Variants in TFF3 observed in about 807,000 individuals in gnomAD.
TFF3 encodes the protein trefoil factor 3, also known as polypeptide P1.B.
Under a neutral mutation model 9.7 loss-of-function variants are expected in TFF3, and 6 were observed. The ratio of observed to expected loss-of-function variants is 0.62; its 90% CI spans 0.34 to 1.22. The LOEUF is 1.22. TFF3 is among the 50% of genes most tolerant of loss of function. The probability of loss-of-function intolerance (pLI) is 0.04; values close to 1 mark genes in which losing one functional copy is unlikely to be tolerated. For missense variants in TFF3, 93 were observed against 98.6 expected, an observed-to-expected ratio of 0.94 and a Z score of 0.24; for synonymous variants, 48 against 41.4, an observed-to-expected ratio of 1.16 and a Z score of -0.61.
intron 2 of TFF3, 122 bp from the exon 3 acceptor site, chr21:42,312,391 G>C: frequency 2.5e-6 from 3 of 1,196,052 alleles, no homozygotes; most frequent in Non-Finnish European, 3.5e-6. Flanking sequence ...AGTCACCGGG[G>C]AGTGTTGAGT....
At position 42,312,121 on chromosome 21, in the gene TFF3, A is replaced by G; in HGVS notation, c.*135T>C. ...TTCGTTAAGACATCAGGCTCCAGAT[A>G]TGAACTTTCAGCAGAAGCGCTTGCC... is the stretch of plus-strand genomic sequence containing the variant. On this transcript the variant is annotated 3_prime_UTR_variant, in exon 3 of 3. Coordinates refer to ENST00000518498, the MANE Select transcript of TFF3 (RefSeq NM_003226.4). The G allele has an allele frequency of 1.7e-6, 2 of 1,195,398 alleles. No individual in the cohort carries two copies. Among genetic ancestry groups the G allele is most frequent in the East Asian group, 2.3e-5 (1 of 43,070 alleles). The allele number at this position is 1,195,398 out of a possible 1,614,324, so 74.0% of individuals were successfully genotyped here.
At position 42,313,336 on chromosome 21, in the gene TFF3, GC is replaced by G; in HGVS notation, c.229+148del. 1 of 903,806 alleles carries G rather than the reference GC, an allele frequency of 1.1e-6. No individual in the cohort carries two copies. Among genetic ancestry groups the G allele is most frequent in the Non-Finnish European group, 1.6e-6 (1 of 624,936 alleles). The allele number at this position is 903,806 out of a possible 1,614,324, so 56.0% of individuals were successfully genotyped here. A position where few individuals can be genotyped will look rare whatever the true frequency, so the allele number is the denominator to read the frequency against. On this transcript the variant is annotated intron_variant, in intron 2 of 2. Coordinates refer to ENST00000518498, the MANE Select transcript of TFF3 (RefSeq NM_003226.4). The surrounding 1 kb of genome is among the most constrained non-coding windows in gnomAD (Gnocchi z 4.0). ...TGGCCATGGCTGCCCTAAGTGTGAA[GC>G]CTCTGCTCTGAGGCCTTGGAACAGG...
rs778674934 is a variant in TFF3 at position 42,313,624 on chromosome 21, G to A, written c.90C>T (p.Asn30=). The A allele has an allele frequency of 3.0e-5, 49 of 1,609,272 alleles. No individual in the cohort carries two copies. The highest frequency in any genetic ancestry group is 4.1e-5 in the Non-Finnish European group (48 of 1,178,720). The change falls in exon 2 of 3, where the codon AAC becomes AAT. Residue 30 remains asparagine, a synonymous_variant. Coordinates refer to ENST00000518498, the MANE Select transcript of TFF3 (RefSeq NM_003226.4). This position sits in a 1 kb window ranked among gnomAD's most constrained non-coding sequence, Gnocchi z 4.0. ...SAEEYVGLSA[N]QCAVPAKDRV... is the part of the protein sequence containing the mutation. ...TGTCCTTGGCTGGCACGGCACACTG[G>A]TTTGCAGCTGTCCCAGACAAAGCCC...
At position 42,315,370 on chromosome 21, in the gene TFF3, G is replaced by C. The variant is rs1318801061; in HGVS notation, c.5C>G (p.Ala2Gly). 1 of 1,614,166 alleles carries C rather than the reference G, an allele frequency of 6.2e-7. No individual in the cohort carries two copies. ...CCCCAGCATGCAGAGCGCTCTGGCA[G>C]CCATGACCACCGTGGGCTCCGGGAC... is the stretch of plus-strand genomic sequence containing the variant. Reference protein sequence around the residue: MAARALCMLGLV... With the variant: MGARALCMLGLV... Residue 2 changes from alanine (A) to glycine (G), a missense_variant, in exon 1 of 3, where the codon GCT becomes GGT. Coordinates refer to ENST00000518498, the MANE Select transcript of TFF3 (RefSeq NM_003226.4).
In TFF3 at chr21:42,313,580, G is replaced by T. The variant is rs11546961; in HGVS notation, c.134C>A (p.Pro45His). Residue 45 changes from proline to histidine, a missense_variant, in exon 2 of 3, where the codon CCC becomes CAC. Transcript: ENST00000518498. The surrounding 1 kb of genome is among the most constrained non-coding windows in gnomAD (Gnocchi z 4.0). Reference protein sequence around the residue: ...PAKDRVDCGYPHVTPKECNNR... With the variant: ...PAKDRVDCGYHHVTPKECNNR... ...GTTGCACTCCTTGGGGGTGACATGG[G>T]GGTAGCCGCAGTCCACCCTGTCCTT... The T allele has an allele frequency of 6.2e-7, 1 of 1,611,156 alleles. No homozygotes were observed. The highest frequency in any genetic ancestry group is 1.3e-5 in the African/African-American group (1 of 74,806).
In TFF3 at chr21:42,312,244, G is replaced by A; in HGVS notation, c.*12C>T. On this transcript the variant is annotated 3_prime_UTR_variant, in exon 3 of 3. Transcript: ENST00000518498. Reference sequence around the variant, plus strand: ...GCCTCGCATCCCCCGGCCGGGGGCAGCTGGAGGTGCCTCAGAAGGTGCATT... The same window carrying A: ...GCCTCGCATCCCCCGGCCGGGGGCAACTGGAGGTGCCTCAGAAGGTGCATT... The A allele has an allele frequency of 6.2e-7, 1 of 1,613,212 alleles. No homozygotes were observed. Among genetic ancestry groups the A allele is most frequent in the Non-Finnish European group, 8.5e-7 (1 of 1,179,592 alleles).
At position 42,311,969 on chromosome 21, in the gene TFF3, C is replaced by G. The variant is rs1334652234; in HGVS notation, c.*287G>C. The G allele has an allele frequency of 9.5e-6, 6 of 633,108 alleles. No homozygotes were observed. The African/African-American group carries it at 1.1e-4, about 11-fold the overall frequency. The allele number at this position is 633,108 out of a possible 1,614,324, so 39.2% of individuals were successfully genotyped here. A position where few individuals can be genotyped will look rare whatever the true frequency, so the allele number is the denominator to read the frequency against. On this transcript the variant is annotated 3_prime_UTR_variant, in exon 3 of 3. Coordinates refer to ENST00000518498, the MANE Select transcript of TFF3 (RefSeq NM_003226.4). ...GCTCCTTAGGGAGTCTTTTCCTGCC[C>G]TTGAGGCCTGGGCAGACTCTCCCCT...
At position 42,312,223 on chromosome 21, in the gene TFF3, C is replaced by G. The variant is rs370223274; in HGVS notation, c.*33G>C. 1.9e-6 allele frequency: 3 copies of G among 1,613,754 alleles called. No individual in the cohort carries two copies. Among genetic ancestry groups the G allele is most frequent in the South Asian group, 1.1e-5 (1 of 91,078 alleles). On this transcript the variant is annotated 3_prime_UTR_variant, in exon 3 of 3. Transcript: ENST00000518498. ...AGCCGGGCAAGGGTGCTCCGAGCCT[C>G]GCATCCCCCGGCCGGGGGCAGCTGG...
At position 42,313,768 on chromosome 21, in the gene TFF3, T is replaced by C; in HGVS notation, c.83-137A>G. ...TCAACCACTGCTGAAACCCTCGCCC[T>C]TAGGAAGATGCACTTTCCCTGTGAA... is the stretch of plus-strand genomic sequence containing the variant. On this transcript the variant is annotated intron_variant, in intron 1 of 2. Transcript: ENST00000518498. This position sits in a 1 kb window ranked among gnomAD's most constrained non-coding sequence, Gnocchi z 4.0. 14 of 973,356 alleles carry C rather than the reference T, an allele frequency of 1.4e-5. No homozygotes were observed. Among genetic ancestry groups the C allele is most frequent in the Non-Finnish European group, 2.0e-5 (14 of 690,716 alleles). 60.3% of individuals were successfully genotyped at this position (973,356 alleles called of 1,614,324 possible).
Position 42,315,409 on chromosome 21 carries a change from C to T in TFF3, c.-35G>A, listed in dbSNP as rs372594227. On this transcript the variant is annotated 5_prime_UTR_variant, in exon 1 of 3. Coordinates refer to ENST00000518498, the MANE Select transcript of TFF3 (RefSeq NM_003226.4). ...GGGCTCCGGGACGCAGCTCAGGACT[C>T]GCTTCATGGTCCAGGAGGCCTCATT... is the stretch of plus-strand genomic sequence containing the variant. 16 of 1,614,174 alleles carry T rather than the reference C, an allele frequency of 9.9e-6. No individual in the cohort carries two copies. The highest frequency in any genetic ancestry group is 4.0e-5 in the African/African-American group (3 of 75,054).
chr21:42,314,303 T>C (rs1292136400), intron 1 of TFF3, among the ~76,000 whole-genome samples: 2 of 152,200 alleles, frequency 1.3e-5, no homozygotes, highest in African/African-American at 4.8e-5. Flanking sequence ...CCGTAATTGC[T>C]TATCCTCCTG....
At chr21:42,315,026 G>A (rs2069350580) in intron 1 of TFF3, among the ~76,000 whole-genome samples, 1 of 152,216 alleles carries the variant, frequency 6.6e-6, no homozygotes, top group African/African-American at 2.4e-5. Context: ...AGATGGCTAT[G>A]GGGTCATAGG....
At chr21:42,315,171 G>A (rs1013206116) in intron 1 of TFF3, 122 bp downstream of exon 1, 2 of 1,323,592 alleles carry the variant, frequency 1.5e-6, no homozygotes, top group African/African-American at 2.9e-5. Flanking sequence ...CAAAGGGCTA[G>A]CGCAGGAAAA....
intron 1 of TFF3, among the ~76,000 whole-genome samples, chr21:42,314,765 C>T (rs571442058): frequency 2.6e-4 from 39 of 152,300 alleles, no homozygotes; most frequent in Non-Finnish European, 4.0e-4. Context: ...GCTGCAAGTT[C>T]GGGAACCACT....
chr21:42,315,391 G>C lies in TFF3; in HGVS notation c.-17C>G, dbSNP rs561102941. 1 of 1,614,142 alleles carries C rather than the reference G, an allele frequency of 6.2e-7. No homozygotes were observed. The highest frequency in any genetic ancestry group is 8.5e-7 in the Non-Finnish European group (1 of 1,179,984). ...GGCAGCCATGACCACCGTGGGCTCC[G>C]GGACGCAGCTCAGGACTCGCTTCAT... On this transcript the variant is annotated 5_prime_UTR_variant, in exon 1 of 3. Transcript: ENST00000518498.
chr21:42,313,099 T>A lies in TFF3; in HGVS notation c.229+386A>T, dbSNP rs895970598. ...TCTAGGGCTGGGACCGCCTGCCGTC[T>A]GTGTAGGGGATGCCACAAATGACAA... On this transcript the variant is annotated intron_variant, in intron 2 of 2. Coordinates refer to ENST00000518498, the MANE Select transcript of TFF3 (RefSeq NM_003226.4). The surrounding 1 kb of genome is among the most constrained non-coding windows in gnomAD (Gnocchi z 4.0). Among the ~76,000 whole-genome samples the A allele has an allele frequency of 5.3e-5, 8 of 152,016 alleles. No homozygotes were observed. Among genetic ancestry groups the A allele is most frequent in the African/African-American group, 1.7e-4 (7 of 41,378 alleles).
Position 42,315,276 on chromosome 21 carries a change from G to C in TFF3, c.82+17C>G. On this transcript the variant is annotated intron_variant, in intron 1 of 2. Coordinates refer to ENST00000518498, the MANE Select transcript of TFF3 (RefSeq NM_003226.4). ...TCACGCCCACCCTGCCACCGGGGCA[G>C]TCAGGGCAGTACTCACACAGGCCCA... 1.2e-6 allele frequency: 2 copies of C among 1,607,780 alleles called. No individual in the cohort carries two copies. The highest frequency in any genetic ancestry group is 1.7e-6 in the Non-Finnish European group (2 of 1,176,258).
Position 42,313,687 on chromosome 21 carries a change from G to A in TFF3, c.83-56C>T. ...GAGCCCTTGCTGGGCTGCGGTGAGT[G>A]TGTTTGCTTCACTTTGCAAGTTTGC... On this transcript the variant is annotated intron_variant, in intron 1 of 2. Transcript: ENST00000518498. This position sits in a 1 kb window ranked among gnomAD's most constrained non-coding sequence, Gnocchi z 4.0. The A allele has an allele frequency of 1.3e-6, 2 of 1,546,962 alleles. No homozygotes were observed. Among genetic ancestry groups the A allele is most frequent in the Non-Finnish European group, 1.7e-6 (2 of 1,144,072 alleles).
rs374877379 is a variant in TFF3, at chr21:42,313,627, T to G, written c.87A>C (p.Ala29=). The change falls in exon 2 of 3, where the codon GCA becomes GCC. Residue 29 remains alanine, a synonymous_variant. Transcript: ENST00000518498. This position sits in a 1 kb window ranked among gnomAD's most constrained non-coding sequence, Gnocchi z 4.0. ...CCTTGGCTGGCACGGCACACTGGTT[T>G]GCAGCTGTCCCAGACAAAGCCCTGT... is the stretch of plus-strand genomic sequence containing the variant. ...SSAEEYVGLS[A]NQCAVPAKDR... 23 of 1,609,136 alleles carry G rather than the reference T, an allele frequency of 1.4e-5. No individual in the cohort carries two copies. The highest frequency in any genetic ancestry group is 2.2e-4 in the Middle Eastern group (1 of 4,554).
Sources: gnomAD v4.1 joint callset for allele counts (sites outside exome capture counted in the v4.1 genomes callset) on GRCh38, gnomAD v4.1.1 for gene constraint, Gnocchi (gnomAD v3.1) non-coding constraint, MANE v1.5 for transcripts, NCBI Gene and HGNC (gene_info 2026-07-23, HGNC 2026-07-21) for gene names.